Variants in PBX3 observed in about 807,000 individuals in gnomAD.
The protein encoded by PBX3 is pre-B-cell leukemia transcription factor 3.
Under a neutral mutation model 48.5 loss-of-function variants are expected in PBX3, and 14 were observed. That is an observed-to-expected ratio of 0.29 (90% CI 0.19 to 0.45). The LOEUF (loss-of-function observed/expected upper bound fraction) is 0.45, where lower values mean the gene tolerates loss of function less well. Ranked by LOEUF, PBX3 falls within the 20% of genes least tolerant of loss-of-function variation. PBX3 has a pLI of 1.00. For missense variants in PBX3, 386 were observed against 546.7 expected, an observed-to-expected ratio of 0.71 and a Z score of 2.93; for synonymous variants, 210 against 200.3, an observed-to-expected ratio of 1.05 and a Z score of -0.41.
intron 2 of PBX3, among the ~76,000 whole-genome samples, chr9:125,796,947 T>C (rs1837800346): frequency 6.6e-6 from 1 of 152,112 alleles, no homozygotes; most frequent in Non-Finnish European, 1.5e-5. Flanking sequence ...ATTTAGAATG[T>C]TAATGTTGGT....
In PBX3 at chr9:125,855,966, A is replaced by AT. The variant is rs544806821; in HGVS notation, c.275-59713dup. On this transcript the variant is annotated intron_variant, in intron 2 of 8. Coordinates refer to ENST00000373489, the MANE Select transcript of PBX3 (RefSeq NM_006195.6). ...ATCTTTGGAGGTTTAAATCTATATGATTTTTTTAAATAAAAAAATTTACAA... is the reference window on the plus strand; with the variant it reads ...ATCTTTGGAGGTTTAAATCTATATGATTTTTTTTAAATAAAAAAATTTACAA... 8.3e-4 allele frequency among the ~76,000 whole-genome samples: 126 copies of AT among 152,250 alleles called. 3 individuals carry two copies. In the South Asian group the frequency reaches 0.025, roughly 31 times the overall value.
At chr9:125,925,121 A>C (rs951827998) in intron 3 of PBX3, among the ~76,000 whole-genome samples, 1 of 152,228 alleles carries the variant, frequency 6.6e-6, no homozygotes, top group African/African-American at 2.4e-5. Flanking sequence ...AAGATGAATA[A>C]TTGATATTGC....
intron 2 of PBX3, among the ~76,000 whole-genome samples, chr9:125,823,344 T>C (rs955750957): frequency 3.9e-5 from 6 of 152,238 alleles, no homozygotes; most frequent in Admixed American, 2.6e-4. Context: ...TATTTACCTG[T>C]ACATGCTGCT....
intron 6 of PBX3, among the ~76,000 whole-genome samples, chr9:125,961,125 G>A (rs1588345069): frequency 6.6e-6 from 1 of 152,200 alleles, no homozygotes; most frequent in Admixed American, 6.5e-5. Flanking sequence ...GAGTGCTATC[G>A]CTCATGACTA....
At chr9:125,777,460 A>G (rs1276634429) in intron 2 of PBX3, among the ~76,000 whole-genome samples, 5 of 150,948 alleles carry the variant, frequency 3.3e-5, no homozygotes, top group East Asian at 3.9e-4. Context: ...GGTTCAAGCA[A>G]TTCTCCTGCC....
chr9:125,773,107 T>A (rs1204576212), intron 2 of PBX3, among the ~76,000 whole-genome samples: 2 of 152,184 alleles, frequency 1.3e-5, no homozygotes, highest in African/African-American at 4.8e-5. Context: ...AAGGGATTGA[T>A]CTGATCAGAT....
chr9:125,861,891 G>T (rs1328819470), intron 2 of PBX3, among the ~76,000 whole-genome samples: 1 of 152,196 alleles, frequency 6.6e-6, no homozygotes, highest in Non-Finnish European at 1.5e-5. Flanking sequence ...GAAAATGATT[G>T]TGATTGTTGC....
At chr9:125,913,161 A>C (rs752014924) in intron 2 of PBX3, among the ~76,000 whole-genome samples, 17 of 152,156 alleles carry the variant, frequency 1.1e-4, no homozygotes, top group Middle Eastern at 3.4e-3. Context: ...CTTGTTGCCT[A>C]TTTGCAAAGT....
chr9:125,757,019 AACAAAGGTTTCT>A (rs1836535983), intron 2 of PBX3, among the ~76,000 whole-genome samples: 1 of 152,200 alleles, frequency 6.6e-6, no homozygotes, highest in African/African-American at 2.4e-5. Context: ...TTATTATTTA[AACAAAGGTTTCT>A]ACAGGCTTTC....
In PBX3 at chr9:125,893,190, T is replaced by C. The variant is rs552720061; in HGVS notation, c.275-22496T>C. On this transcript the variant is annotated intron_variant, in intron 2 of 8. Coordinates refer to ENST00000373489, the MANE Select transcript of PBX3 (RefSeq NM_006195.6). ...AGCAGTAATAATTAATATCAGTCTA[T>C]ACCAATAGTGAGAAGCAAAGAACAT... Among the ~76,000 whole-genome samples the C allele has an allele frequency of 2.6e-5, 4 of 152,358 alleles. No homozygotes were observed. The East Asian group carries it at 7.7e-4, about 29-fold the overall frequency.
chr9:125,780,438 A>C (rs867833968), intron 2 of PBX3, among the ~76,000 whole-genome samples: 1 of 45,130 alleles, frequency 2.2e-5, no homozygotes, highest in Non-Finnish European at 4.5e-5. Context: ...CCTCCCTCCC[A>C]GACGGGGCGG....
intron 5 of PBX3, among the ~76,000 whole-genome samples, chr9:125,950,285 G>A (rs533434156): frequency 5.9e-5 from 9 of 152,158 alleles, no homozygotes; most frequent in Non-Finnish European, 1.3e-4. Flanking sequence ...AAGCTGAACT[G>A]TAAGGGCGTC....
intron 2 of PBX3, among the ~76,000 whole-genome samples, chr9:125,889,306 A>G: frequency 6.6e-6 from 1 of 152,218 alleles, no homozygotes; most frequent in African/African-American, 2.4e-5. Context: ...CGTGGGGAGC[A>G]GGGGCGCTTG....
At chr9:125,962,270 C>T in intron 7 of PBX3, 56 bp downstream of exon 7, 1 of 981,338 alleles carries the variant, frequency 1.0e-6, no homozygotes, top group Non-Finnish European at 1.6e-6. Context: ...GGGCTCAAAA[C>T]TCCTTCCTCT....
intron 2 of PBX3, among the ~76,000 whole-genome samples, chr9:125,889,742 G>A (rs1041898531): frequency 1.3e-5 from 2 of 150,998 alleles, no homozygotes; most frequent in African/African-American, 4.8e-5. Flanking sequence ...CCAGCAGGGC[G>A]GGGGCGCGCC....
intron 2 of PBX3, among the ~76,000 whole-genome samples, chr9:125,846,090 G>A (rs1358557126): frequency 1.3e-5 from 2 of 152,160 alleles, no homozygotes; most frequent in East Asian, 3.9e-4. Context: ...GGTTGAAGAT[G>A]TCATTTGAGG....
At chr9:125,940,505 A>G (rs1278338775) in intron 5 of PBX3, among the ~76,000 whole-genome samples, 1 of 152,236 alleles carries the variant, frequency 6.6e-6, no homozygotes, top group Non-Finnish European at 1.5e-5. Context: ...GTCCTACCTG[A>G]TAGAAATGTG....
At chr9:125,800,897 C>T (rs559991368) in intron 2 of PBX3, among the ~76,000 whole-genome samples, 74 of 151,786 alleles carry the variant, frequency 4.9e-4, no homozygotes, top group Middle Eastern at 3.4e-3. Flanking sequence ...GGATTACAGG[C>T]GCCTGCCACC....
intron 2 of PBX3, among the ~76,000 whole-genome samples, chr9:125,867,738 GTC>G (rs201632270): frequency 2.7e-4 from 40 of 146,628 alleles, no homozygotes; most frequent in African/African-American, 8.2e-4. Context: ...TTGTCTTTCT[GTC>G]TCTCTCTCTC....
Sources: gnomAD v4.1 joint callset for allele counts (sites outside exome capture counted in the v4.1 genomes callset) on GRCh38, gnomAD v4.1.1 for gene constraint, MANE v1.5 for transcripts, NCBI Gene and HGNC (gene_info 2026-07-23, HGNC 2026-07-21) for gene names.